The following FLG variants were observed in gnomAD, a reference collection of about 807,000 sequenced individuals.
The protein encoded by FLG is epidermal filaggrin.
FLG carries 6 observed loss-of-function variants against 3.8 expected under a neutral mutation model. The ratio of observed to expected loss-of-function variants is 1.60; its 90% confidence interval spans 0.87 to 3.15. The LOEUF is 3.15. FLG is among the 30% of genes most tolerant of loss of function. FLG has a pLI of 0.00. For synonymous variants in FLG, 2,551 were observed against 1,931.6 expected, an observed-to-expected ratio of 1.32 and a Z score of -8.41; for missense variants, 7,595 against 5,050.9, an observed-to-expected ratio of 1.50 and a Z score of -15.27.
At position 152,304,749 on chromosome 1, in the gene FLG, C is replaced by A; in HGVS notation, c.10137G>T (p.Arg3379Ser). The change falls in exon 3 of 3, where the codon AGG becomes AGT. Residue 3379 changes from arginine to serine, a missense_variant. Physicochemically the swap from Arg to Ser is moderately radical, Grantham distance 110. Coordinates refer to ENST00000368799, the MANE Select transcript of FLG (RefSeq NM_002016.2). ...AGAGGAAAGACCCTGAACGTCCAGACCTTCCCCCTGACCGGTCACGTGCGG... is the reference window on the plus strand; with the variant it reads ...AGAGGAAAGACCCTGAACGTCCAGAACTTCCCCCTGACCGGTCACGTGCGG... Reference protein sequence around the residue: ...QESARDRSGGRSGRSGSFLYQ... With the variant: ...QESARDRSGGSSGRSGSFLYQ... 2.5e-6 allele frequency: 4 copies of A among 1,613,556 alleles called. No homozygotes were observed. The highest frequency in any genetic ancestry group is 4.5e-5 in the East Asian group (2 of 44,768).
chr1:152,305,078 G>C lies in FLG; in HGVS notation c.9808C>G (p.Arg3270Gly). 1 of 1,613,070 alleles carries C rather than the reference G, an allele frequency of 6.2e-7. No homozygotes were observed. Among genetic ancestry groups the C allele is most frequent in the African/African-American group, 1.3e-5 (1 of 74,904 alleles). The change falls in exon 3 of 3, where the codon CGC (arginine) becomes GGC (glycine). Residue 3270 changes from arginine to glycine, a missense_variant. Arg to Gly is a moderately radical substitution (Grantham distance 125). Coordinates refer to ENST00000368799, the MANE Select transcript of FLG (RefSeq NM_002016.2). ...DRAGHGHSAD[R>G]SRQSGTRHAE... ...TGACGAGTGCCTGATTGTCTGGAGCGGTCTGCAGAGTGCCCGTGACCGGCT... is the reference window on the plus strand; with the variant it reads ...TGACGAGTGCCTGATTGTCTGGAGCCGTCTGCAGAGTGCCCGTGACCGGCT...
In FLG at chr1:152,309,133, A is replaced by T. The variant is rs1652202968; in HGVS notation, c.5753T>A (p.Val1918Asp). The T allele has an allele frequency of 6.2e-7, 1 of 1,613,394 alleles. No individual in the cohort carries two copies. Among genetic ancestry groups the T allele is most frequent in the Admixed American group, 1.7e-5 (1 of 59,990 alleles). The part of the protein sequence containing the change: ...PRTSRNQGSS[V>D]SQDSDSQGHS... ...TCCCTGACTGTCACTGTCCTGGCTA[A>T]CACTGGATCCCTGGTTCCTGCTTGT... Residue 1918 changes from valine (V) to aspartate (D), a missense_variant, in exon 3 of 3, where the codon GTT (valine) becomes GAT (aspartate). Transcript: ENST00000368799.
At chr1:152,320,596 C>T (rs1652929814) in intron 1 of FLG, among the ~76,000 whole-genome samples, 1 of 150,998 alleles carries the variant, frequency 6.6e-6, no homozygotes, top group South Asian at 2.1e-4. Context: ...TAAGGAGGAC[C>T]AGGCAATCTA....
In FLG at chr1:152,307,207, C is replaced by G. The variant is rs1652031846; in HGVS notation, c.7679G>C (p.Ser2560Thr). The change falls in exon 3 of 3, where the codon AGC becomes ACC. Residue 2560 changes from serine to threonine, a missense_variant. Transcript: ENST00000368799. ...GCTAAAACTGGATCCCCAGTTCCTG[C>G]TTGTCCTGGGCCCCTCTGATTGTCC... ...GQGQSEGPRT[S>T]RNWGSSFSQD... 1 of 1,612,758 alleles carries G rather than the reference C, an allele frequency of 6.2e-7. No homozygotes were observed. Among genetic ancestry groups the G allele is most frequent in the South Asian group, 1.1e-5 (1 of 91,076 alleles).
At position 152,322,646 on chromosome 1, in the gene FLG, T is replaced by G. The variant is rs184533930; in HGVS notation, c.-22+2543A>C. ...GGAAAGGAGGCTATTCATAAAAGCA[T>G]AAAAAAAGAGGAAATTTTTAGGAAT... is the stretch of plus-strand genomic sequence containing the variant. On this transcript the variant is annotated intron_variant, in intron 1 of 2. Coordinates refer to ENST00000368799, the MANE Select transcript of FLG (RefSeq NM_002016.2). 1.3e-4 allele frequency among the ~76,000 whole-genome samples: 19 copies of G among 151,012 alleles called. No individual in the cohort carries two copies. In the East Asian group the frequency reaches 3.1e-3, roughly 25 times the overall value.
At position 152,307,770 on chromosome 1, in the gene FLG, C is replaced by T. The variant is rs1652081780; in HGVS notation, c.7116G>A (p.Glu2372=). The T allele has an allele frequency of 6.2e-7, 1 of 1,613,418 alleles. No individual in the cohort carries two copies. Among genetic ancestry groups the T allele is most frequent in the Non-Finnish European group, 8.5e-7 (1 of 1,179,800 alleles). The stretch of plus-strand genomic sequence containing the variant: ...GTGTGTCTGAGTCTTCTGAATGTCC[C>T]TCACTGTCACTGGCCTGACTACCAC... The part of the protein sequence containing the change: ...GSSGSQASDS[E]GHSEDSDTQS... The change falls in exon 3 of 3, where the codon GAG becomes GAA. Residue 2372 remains glutamate (E), a synonymous_variant. Coordinates refer to ENST00000368799, the MANE Select transcript of FLG (RefSeq NM_002016.2).
rs939757086 is a variant in FLG, at chr1:152,313,426, G to T, written c.1460C>A (p.Thr487Asn). Residue 487 changes from threonine (T) to asparagine (N), a missense_variant, in exon 3 of 3, where the codon ACC (threonine) becomes AAC (asparagine). Coordinates refer to ENST00000368799, the MANE Select transcript of FLG (RefSeq NM_002016.2). ...CGATCCTTGTCTTCCTCCAGTGCTGGTCCCGGTCCGTCCATGGGCAGAGTC... is the reference window on the plus strand; with the variant it reads ...CGATCCTTGTCTTCCTCCAGTGCTGTTCCCGGTCCGTCCATGGGCAGAGTC... ...QPDSAHGRTG[T>N]STGGRQGSHH... 26 of 1,613,860 alleles carry T rather than the reference G, an allele frequency of 1.6e-5. No homozygotes were observed. The highest frequency in any genetic ancestry group is 2.1e-5 in the Non-Finnish European group (25 of 1,179,976).
Position 152,309,187 on chromosome 1 carries a change from A to G in FLG, c.5699T>C (p.Val1900Ala), listed in dbSNP as rs557165533. ...GGGCCCTGATGATTGTCCCTGGCCC[A>G]CCTGCGAGTGTCTAGAGCTGTCGGC... Reference protein sequence around the residue: ...SRADSSRHSQVGQGQSSGPRT... With the variant: ...SRADSSRHSQAGQGQSSGPRT... Residue 1900 changes from valine (V) to alanine (A), a missense_variant, in exon 3 of 3, where the codon GTG becomes GCG. Transcript: ENST00000368799. The G allele has an allele frequency of 5.1e-5, 82 of 1,611,504 alleles. No individual in the cohort carries two copies. In the African/African-American group the frequency reaches 1.1e-3, roughly 21 times the overall value.
At position 152,304,302 on chromosome 1, in the gene FLG, C is replaced by T; in HGVS notation, c.10584G>A (p.Gly3528=). ...ATCCCTGGTTCCTGCTTGTCCTGGG[C>T]CCCGCTGATTGTCCCTGGCCGGACT... ...HSQSGQGQSA[G]PRTSRNQGSS... is the part of the protein sequence containing the mutation. Residue 3528 remains glycine, a synonymous_variant, in exon 3 of 3, where the codon GGG becomes GGA. Coordinates refer to ENST00000368799, the MANE Select transcript of FLG (RefSeq NM_002016.2). 2 of 1,612,358 alleles carry T rather than the reference C, an allele frequency of 1.2e-6. No homozygotes were observed. The highest frequency in any genetic ancestry group is 8.5e-7 in the Non-Finnish European group (1 of 1,179,070).
chr1:152,303,477 C>A lies in FLG; in HGVS notation c.11409G>T (p.Gln3803His), dbSNP rs375547903. The change falls in exon 3 of 3, where the codon CAG becomes CAT. Residue 3803 changes from glutamine to histidine, a missense_variant. Gln to His is a conservative substitution (Grantham distance 24, BLOSUM62 0). Coordinates refer to ENST00000368799, the MANE Select transcript of FLG (RefSeq NM_002016.2). ...SQGRSDASHGQSGSRSASRET... is the reference protein window; with the variant it reads ...SQGRSDASHGHSGSRSASRET... The stretch of plus-strand genomic sequence containing the variant: ...CTCTGCTTGCACTTCTGGATCCTGA[C>A]TGCCCATGGGAGGCATCAGACCTTC... The A allele has an allele frequency of 1.2e-6, 2 of 1,613,990 alleles. No homozygotes were observed. Among genetic ancestry groups the A allele is most frequent in the African/African-American group, 2.7e-5 (2 of 74,908 alleles).
In FLG at chr1:152,310,142, C is replaced by G. The variant is rs368519093; in HGVS notation, c.4744G>C (p.Ala1582Pro). 3 of 1,613,808 alleles carry G rather than the reference C, an allele frequency of 1.9e-6. No individual in the cohort carries two copies. Among genetic ancestry groups the G allele is most frequent in the African/African-American group, 2.7e-5 (2 of 74,832 alleles). The change falls in exon 3 of 3, where the codon GCG becomes CCG. Residue 1582 changes from alanine (A) to proline (P), a missense_variant. By Grantham distance (27) the Ala-to-Pro change is conservative. Transcript: ENST00000368799. ...RHSQVGQGES[A>P]GSKTSRRQGS... ...TGGCGCCTGCTTGTCTTGGACCCCG[C>G]TGATTCTCCCTGGCCCACCTGTGAG...
At position 152,312,172 on chromosome 1, in the gene FLG, C is replaced by T; in HGVS notation, c.2714G>A (p.Gly905Asp). The T allele has an allele frequency of 1.9e-6, 3 of 1,613,590 alleles. No individual in the cohort carries two copies. Among genetic ancestry groups the T allele is most frequent in the African/African-American group, 1.3e-5 (1 of 74,834 alleles). ...TTRNEEQSRD[G>D]SRHSGSRHHE... The stretch of plus-strand genomic sequence containing the variant: ...GTGACGTGACCCTGAGTGCCTGGAG[C>T]CGTCTCTTGATTGTTCCTCATTACG... The change falls in exon 3 of 3, where the codon GGC (glycine) becomes GAC (aspartate). Residue 905 changes from glycine (G) to aspartate (D), a missense_variant. By Grantham distance (94) the Gly-to-Asp change is moderately conservative. Coordinates refer to ENST00000368799, the MANE Select transcript of FLG (RefSeq NM_002016.2).
Position 152,308,367 on chromosome 1 carries a change from G to T in FLG, c.6519C>A (p.Ser2173=), listed in dbSNP as rs1193025859. ...CACGGGAGGCATCAGACCTTCCCTGGGATGTGGTGTGGCTGTGATGAGACC... is the reference window on the plus strand; with the variant it reads ...CACGGGAGGCATCAGACCTTCCCTGTGATGTGGTGTGGCTGTGATGAGACC... ...HSGSHHSHTT[S]QGRSDASRGQ... The change falls in exon 3 of 3, where the codon TCC becomes TCA. Residue 2173 remains serine (S), a synonymous_variant. Coordinates refer to ENST00000368799, the MANE Select transcript of FLG (RefSeq NM_002016.2). 3 of 1,613,502 alleles carry T rather than the reference G, an allele frequency of 1.9e-6. No homozygotes were observed. The highest frequency in any genetic ancestry group is 4.5e-5 in the East Asian group (2 of 44,842).
Position 152,309,508 on chromosome 1 carries a change from C to T in FLG, c.5378G>A (p.Arg1793His), listed in dbSNP as rs3126080. The change falls in exon 3 of 3, where the codon CGC (arginine) becomes CAC (histidine). Residue 1793 changes from arginine to histidine, a missense_variant. Arg to His is a conservative substitution (Grantham distance 29). Coordinates refer to ENST00000368799, the MANE Select transcript of FLG (RefSeq NM_002016.2). ...GPSTGGRQRSRHEQARDSSRH... is the reference protein window; with the variant it reads ...GPSTGGRQRSHHEQARDSSRH... ...GGAGCTGTCTCGTGCCTGCTCGTGG[C>T]GGGATCTTTGTCTTCCTCCAGTGCT... is the stretch of plus-strand genomic sequence containing the variant. 7.9e-5 allele frequency: 128 copies of T among 1,613,694 alleles called. No homozygotes were observed. In the East Asian group the frequency reaches 1.2e-3, roughly 15 times the overall value.
Position 152,302,883 on chromosome 1 carries a change from G to GT in FLG, c.12002dup (p.Tyr4001Ter). 3.1e-6 allele frequency: 5 copies of GT among 1,614,168 alleles called. No individual in the cohort carries two copies. Among genetic ancestry groups the GT allele is most frequent in the Non-Finnish European group, 4.2e-6 (5 of 1,180,028 alleles). ...CCTTGAAAACAACAGGATTGGAATT[G>GT]TAACTAACACTTCCGTGCTGAGAGT... ...FRHSQHGSVS[Y>*]NSNPVVFKER... Residue 4001 changes from tyrosine to a stop codon, truncating the protein, a stop_gained and frameshift_variant, in exon 3 of 3, where the codon TAC becomes TAAC. Transcript: ENST00000368799. LOFTEE classifies it low-confidence loss of function (END_TRUNC).
At position 152,307,213 on chromosome 1, in the gene FLG, C is replaced by T. The variant is rs761965617; in HGVS notation, c.7673G>A (p.Arg2558Lys). 6 of 1,612,826 alleles carry T rather than the reference C, an allele frequency of 3.7e-6. No homozygotes were observed. Among genetic ancestry groups the T allele is most frequent in the Non-Finnish European group, 5.1e-6 (6 of 1,180,020 alleles). The change falls in exon 3 of 3, where the codon AGG (arginine) becomes AAG (lysine). Residue 2558 changes from arginine (R) to lysine (K), a missense_variant. Transcript: ENST00000368799. ...ACTGGATCCCCAGTTCCTGCTTGTC[C>T]TGGGCCCCTCTGATTGTCCCTGGCC... ...QVGQGQSEGPRTSRNWGSSFS... is the reference protein window; with the variant it reads ...QVGQGQSEGPKTSRNWGSSFS...
In FLG at chr1:152,313,187, C is replaced by T; in HGVS notation, c.1699G>A (p.Ala567Thr). Reference protein sequence around the residue: ...ASHGQSGSRSASRQTRNEEQS... With the variant: ...ASHGQSGSRSTSRQTRNEEQS... ...TCCTCATTTCGTGTTTGTCTGCTTG[C>T]ACTTCTGGATCCTGACTGCCCATGG... Residue 567 changes from alanine to threonine, a missense_variant, in exon 3 of 3, where the codon GCA becomes ACA. Transcript: ENST00000368799. 1 of 1,613,870 alleles carries T rather than the reference C, an allele frequency of 6.2e-7. No individual in the cohort carries two copies. Among genetic ancestry groups the T allele is most frequent in the Non-Finnish European group, 8.5e-7 (1 of 1,180,004 alleles).
In FLG at chr1:152,313,976, C is replaced by T. The variant is rs768862137; in HGVS notation, c.910G>A (p.Glu304Lys). The change falls in exon 3 of 3, where the codon GAG becomes AAG. Residue 304 changes from glutamate (E) to lysine (K), a missense_variant. Physicochemically the swap from Glu to Lys is moderately conservative, Grantham distance 56 (BLOSUM62 1). Coordinates refer to ENST00000368799, the MANE Select transcript of FLG (RefSeq NM_002016.2). ...GSRVSQDRDS[E>K]GHSEDSERHS... is the part of the protein sequence containing the mutation. ...CTCTCAGAGTCTTCTGAGTGTCCCT[C>T]ACTGTCCCTGTCCTGGCTAACTCTG... 9.9e-6 allele frequency: 16 copies of T among 1,614,060 alleles called. No homozygotes were observed. The highest frequency in any genetic ancestry group is 2.2e-5 in the East Asian group (1 of 44,894).
At position 152,307,912 on chromosome 1, in the gene FLG, C is replaced by G. The variant is rs1381874843; in HGVS notation, c.6974G>C (p.Ser2325Thr). ...AASSHEQARS[S>T]AGERHGSHHQ... is the part of the protein sequence containing the mutation. ...GTGGGATCCGTGTCTCTCTCCTGCA[C>G]TTGATCTTGCCTGTTCATGGGATGA... Residue 2325 changes from serine (S) to threonine (T), a missense_variant, in exon 3 of 3, where the codon AGT (serine) becomes ACT (threonine). Physicochemically the swap from Ser to Thr is moderately conservative, Grantham distance 58 (BLOSUM62 1). Transcript: ENST00000368799. 1.9e-6 allele frequency: 3 copies of G among 1,613,452 alleles called. No homozygotes were observed. Among genetic ancestry groups the G allele is most frequent in the Non-Finnish European group, 2.5e-6 (3 of 1,179,832 alleles).
Sources: allele counts gnomAD v4.1 joint callset (sites outside exome capture counted in the v4.1 genomes callset), GRCh38; gene constraint gnomAD v4.1.1; transcripts MANE v1.5; gene names NCBI Gene and HGNC (gene_info 2026-07-23, HGNC 2026-07-21).